The following CADPS2 variants were observed in gnomAD, a reference collection of about 807,000 sequenced individuals.
CADPS2 encodes calcium dependent secretion activator 2.
In CADPS2, 93 loss-of-function variants were observed where a neutral mutation model predicts 172.5. The ratio of observed to expected loss-of-function variants is 0.54; its 90% CI spans 0.46 to 0.64. CADPS2 has a LOEUF of 0.64. Among genes scored for constraint, CADPS2 ranks in the 30% least tolerant of loss-of-function variants. The pLI, the probability that CADPS2 is intolerant of heterozygous loss-of-function variation, is 0.00. For missense variants in CADPS2, 1,420 were observed against 1,565.9 expected, an observed-to-expected ratio of 0.91 and a Z score of 1.57; for synonymous variants, 546 against 555.2, an observed-to-expected ratio of 0.98 and a Z score of 0.23.
chr7:122,339,769 C>T (rs2036486555), intron 28 of CADPS2, among the ~76,000 whole-genome samples: 1 of 152,124 alleles, frequency 6.6e-6, no homozygotes, highest in South Asian at 2.1e-4. Context: ...CACCTGTTGT[C>T]CCAGCTACTC....
intron 12 of CADPS2, among the ~76,000 whole-genome samples, chr7:122,477,164 C>T (rs964262358): frequency 6.6e-6 from 1 of 151,988 alleles, no homozygotes; most frequent in Non-Finnish European, 1.5e-5. Flanking sequence ...AGTTTGCTGG[C>T]CCTCTGGCCC....
intron 22 of CADPS2, among the ~76,000 whole-genome samples, chr7:122,391,980 T>G (rs1472477101): frequency 6.6e-6 from 1 of 152,140 alleles, no homozygotes; most frequent in African/African-American, 2.4e-5. Flanking sequence ...TCTTTATGAC[T>G]TAGTTTCCTT....
At chr7:122,724,813 C>T (rs2090908734) in intron 2 of CADPS2, among the ~76,000 whole-genome samples, 2 of 151,962 alleles carry the variant, frequency 1.3e-5, no homozygotes, top group African/African-American at 4.8e-5. Flanking sequence ...TCAGCGATTT[C>T]TAACCATTTT....
chr7:122,345,479 G>T, intron 28 of CADPS2, 95 bp downstream of exon 28: 1 of 726,998 alleles, frequency 1.4e-6, no homozygotes. Flanking sequence ...ATCACAAAAA[G>T]GAGACTATGC....
chr7:122,430,717 T>C (rs1042701430), intron 17 of CADPS2, among the ~76,000 whole-genome samples: 4 of 152,184 alleles, frequency 2.6e-5, no homozygotes, highest in Non-Finnish European at 5.9e-5. Context: ...TTTCTAGAAA[T>C]GTCCAGTTTT....
intron 7 of CADPS2, among the ~76,000 whole-genome samples, chr7:122,573,413 A>T: frequency 6.6e-6 from 1 of 152,094 alleles, no homozygotes; most frequent in East Asian, 1.9e-4. Flanking sequence ...AGTGGCATAC[A>T]ACAGTAGTCC....
intron 2 of CADPS2, chr7:122,699,239 T>G (rs2085646748): frequency 4.5e-6 from 1 of 219,924 alleles, no homozygotes; most frequent in African/African-American, 2.3e-5. Context: ...ATTTATTGGC[T>G]TAAATGCTGT....
At chr7:122,517,450 C>G (rs566719324) in intron 8 of CADPS2, among the ~76,000 whole-genome samples, 4 of 152,064 alleles carry the variant, frequency 2.6e-5, no homozygotes, top group Non-Finnish European at 5.9e-5. Flanking sequence ...ATTGAAAGTA[C>G]ATGTTTAACT....
chr7:122,562,780 A>G (rs1311556059), intron 7 of CADPS2, among the ~76,000 whole-genome samples: 1 of 152,114 alleles, frequency 6.6e-6, no homozygotes, highest in Non-Finnish European at 1.5e-5. Context: ...TCTTGCACAC[A>G]CCTGAAGCAT....
chr7:122,445,729 C>T (rs1263714475), intron 15 of CADPS2, among the ~76,000 whole-genome samples: 1 of 152,018 alleles, frequency 6.6e-6, no homozygotes, highest in African/African-American at 2.4e-5. Context: ...GTGGGAGGAT[C>T]GCTTGAGCCT....
chr7:122,492,909 G>A (rs1384776320), intron 9 of CADPS2, among the ~76,000 whole-genome samples: 2 of 151,886 alleles, frequency 1.3e-5, no homozygotes, highest in African/African-American at 4.8e-5. Flanking sequence ...CTGTTACCTG[G>A]GCTTGGTTAA....
At chr7:122,461,359 C>T (rs1279192586) in intron 14 of CADPS2, among the ~76,000 whole-genome samples, 2 of 151,806 alleles carry the variant, frequency 1.3e-5, no homozygotes, top group Non-Finnish European at 2.9e-5. Context: ...CTTTATATTC[C>T]AATCAGGGTA....
At chr7:122,823,444 C>T (rs1014354289) in intron 1 of CADPS2, among the ~76,000 whole-genome samples, 70 of 152,036 alleles carry the variant, frequency 4.6e-4, no homozygotes, top group African/African-American at 1.6e-3. Flanking sequence ...CCCCTGCCCC[C>T]AGACAGGTTT....
At chr7:122,712,910 T>A (rs2088986690) in intron 2 of CADPS2, among the ~76,000 whole-genome samples, 1 of 151,984 alleles carries the variant, frequency 6.6e-6, no homozygotes, top group Non-Finnish European at 1.5e-5. Flanking sequence ...CATGAGCTAA[T>A]CACCTCCCAA....
At chr7:122,631,010 GATTAAA>G (rs1206694967) in intron 3 of CADPS2, among the ~76,000 whole-genome samples, 1 of 151,966 alleles carries the variant, frequency 6.6e-6, no homozygotes, top group Non-Finnish European at 1.5e-5. Flanking sequence ...AAATCAAAAT[GATTAAA>G]ATTAAAAACT....
intron 1 of CADPS2, among the ~76,000 whole-genome samples, chr7:122,853,154 A>C (rs185133708): frequency 1.4e-4 from 21 of 152,310 alleles, no homozygotes; most frequent in Non-Finnish European, 2.5e-4. Flanking sequence ...TGAACCCTAT[A>C]AACTACAGTC....
chr7:122,556,078 T>A (rs776473854), intron 7 of CADPS2, among the ~76,000 whole-genome samples: 1 of 152,070 alleles, frequency 6.6e-6, no homozygotes, highest in Non-Finnish European at 1.5e-5. Flanking sequence ...ATCTATATAC[T>A]CAAGTATATA....
chr7:122,769,627 G>T (rs781239750), intron 1 of CADPS2, among the ~76,000 whole-genome samples: 61 of 152,264 alleles, frequency 4.0e-4, no homozygotes, highest in Non-Finnish European at 4.1e-4. Context: ...ATTTTCTCAA[G>T]TCTCTTAGAT....
intron 3 of CADPS2, among the ~76,000 whole-genome samples, chr7:122,638,646 G>A (rs1163694802): frequency 6.6e-6 from 1 of 152,186 alleles, no homozygotes; most frequent in African/African-American, 2.4e-5. Flanking sequence ...CTCTGTATCA[G>A]TCTAGAGGCC....
Sources: gnomAD v4.1 joint callset for allele counts (sites outside exome capture counted in the v4.1 genomes callset) on GRCh38, gnomAD v4.1.1 for gene constraint, MANE v1.5 for transcripts, NCBI Gene and HGNC (gene_info 2026-07-23, HGNC 2026-07-21) for gene names.